Variants in PTPRN2 observed in about 807,000 individuals in gnomAD.
The protein encoded by PTPRN2 is receptor-type tyrosine-protein phosphatase N2.
PTPRN2 carries 74 observed loss-of-function variants against 118.8 expected under a neutral mutation model. The observed-to-expected ratio is 0.62, with a 90% CI of 0.52 to 0.76. The LOEUF is 0.76. Among genes scored for constraint, PTPRN2 ranks in the 30% least tolerant of loss-of-function variants. The pLI is 0.00. For synonymous variants in PTPRN2, 641 were observed against 608.0 expected, an observed-to-expected ratio of 1.05 and a Z score of -0.80; for missense variants, 1,481 against 1,394.4, an observed-to-expected ratio of 1.06 and a Z score of -0.99.
chr7:158,127,219 C>T (rs1332156656), intron 9 of PTPRN2, among the ~76,000 whole-genome samples: 3 of 152,176 alleles, frequency 2.0e-5, no homozygotes, highest in Non-Finnish European at 2.9e-5. Context: ...CCATTGGCTC[C>T]TCCTCTTTCA....
chr7:157,852,067 G>A (rs1270235185), intron 12 of PTPRN2, among the ~76,000 whole-genome samples: 4 of 152,232 alleles, frequency 2.6e-5, no homozygotes, highest in Non-Finnish European at 5.9e-5. Context: ...AGCCTTAGAG[G>A]CAGGTCTGTT....
chr7:158,288,189 G>A (rs929657685), intron 3 of PTPRN2, among the ~76,000 whole-genome samples: 3 of 152,088 alleles, frequency 2.0e-5, no homozygotes, highest in African/African-American at 7.2e-5. Flanking sequence ...CCTTAAAAGT[G>A]AAGGGAATCT....
intron 1 of PTPRN2, among the ~76,000 whole-genome samples, chr7:158,573,381 A>T (rs987698699): frequency 1.3e-5 from 2 of 152,228 alleles, no homozygotes; most frequent in Non-Finnish European, 2.9e-5. Context: ...GTTACTTGTG[A>T]AAAGTCATTC....
At chr7:157,890,172 G>C (rs551761901) in intron 12 of PTPRN2, among the ~76,000 whole-genome samples, 1 of 151,960 alleles carries the variant, frequency 6.6e-6, no homozygotes, top group African/African-American at 2.4e-5. Context: ...TGAGCCAAAG[G>C]GGAAGAGTTT....
intron 12 of PTPRN2, among the ~76,000 whole-genome samples, chr7:157,844,089 G>A (rs2151190211): frequency 6.6e-6 from 1 of 151,282 alleles, no homozygotes; most frequent in Middle Eastern, 3.4e-3. Context: ...CGTGGATGTG[G>A]AACGCAGGCC....
intron 2 of PTPRN2, among the ~76,000 whole-genome samples, chr7:158,367,119 G>A (rs1011827955): frequency 3.3e-5 from 5 of 152,214 alleles, no homozygotes; most frequent in Admixed American, 6.5e-5. Flanking sequence ...GCCCCAGGCT[G>A]CAGGGACACC....
At chr7:158,077,166 C>G (rs1416327426) in intron 11 of PTPRN2, among the ~76,000 whole-genome samples, 2 of 152,180 alleles carry the variant, frequency 1.3e-5, no homozygotes, top group Admixed American at 1.3e-4. Flanking sequence ...GGCACAGAGT[C>G]CAGTTCTGAG....
At chr7:158,341,794 C>A (rs1456960941) in intron 2 of PTPRN2, among the ~76,000 whole-genome samples, 98 of 73,458 alleles carry the variant, frequency 1.3e-3, no homozygotes, top group Admixed American at 1.7e-3. Flanking sequence ...TCACTCACAC[C>A]CACACTCTCA....
intron 15 of PTPRN2, among the ~76,000 whole-genome samples, chr7:157,612,469 C>T (rs1311821980): frequency 1.3e-5 from 2 of 152,234 alleles, no homozygotes; most frequent in East Asian, 3.8e-4. Flanking sequence ...GAGCAGGGGG[C>T]AGCTCACACG....
intron 22 of PTPRN2, among the ~76,000 whole-genome samples, chr7:157,548,021 C>A (rs939418678): frequency 6.6e-6 from 1 of 151,298 alleles, no homozygotes; most frequent in Non-Finnish European, 1.5e-5. Flanking sequence ...TTGGTCACTG[C>A]GCTGTGGTTA....
intron 14 of PTPRN2, 100 bp downstream of exon 14, chr7:157,656,257 A>G: frequency 8.0e-7 from 1 of 1,248,714 alleles, no homozygotes; most frequent in Non-Finnish European, 1.1e-6. Context: ...ATCATCGCCC[A>G]GTCCCCGAGG....
In PTPRN2 at chr7:158,502,023, G is replaced by A. The variant is rs115937193; in HGVS notation, c.113-12238C>T. Among the ~76,000 whole-genome samples the A allele has an allele frequency of 2.0e-3, 298 of 152,270 alleles. 1 individual carries two copies. The highest frequency in any genetic ancestry group is 6.6e-3 in the African/African-American group (275 of 41,566). ...CCTCAGGAGTGATAAAGCCGTCACGGAGTAAAACGCACCATCCTCTCCTCG... is the reference window on the plus strand; with the variant it reads ...CCTCAGGAGTGATAAAGCCGTCACGAAGTAAAACGCACCATCCTCTCCTCG... On this transcript the variant is annotated intron_variant, in intron 1 of 22. Coordinates refer to ENST00000389418, the MANE Select transcript of PTPRN2 (RefSeq NM_002847.5).
rs113732073 is a variant in PTPRN2 at position 158,376,080 on chromosome 7, C to T, written c.164-59148G>A. On this transcript the variant is annotated intron_variant, in intron 2 of 22. Coordinates refer to ENST00000389418, the MANE Select transcript of PTPRN2 (RefSeq NM_002847.5). ...TAAAAGAGCACTGTAGCACACCCAC[C>T]GCGGCTTTGGGAGTCACAGACACCC... Among the ~76,000 whole-genome samples, 1,104 of 152,302 alleles carry T rather than the reference C, an allele frequency of 7.2e-3. 11 individuals carry two copies. The highest frequency in any genetic ancestry group is 0.025 in the African/African-American group (1,047 of 41,554).
intron 12 of PTPRN2, among the ~76,000 whole-genome samples, chr7:157,807,034 G>T (rs988258127): frequency 6.6e-6 from 1 of 152,242 alleles, no homozygotes; most frequent in African/African-American, 2.4e-5. Flanking sequence ...TTCTTCCCCA[G>T]ACTGGGCCCT....
intron 3 of PTPRN2, among the ~76,000 whole-genome samples, chr7:158,313,681 G>T (rs546372139): frequency 2.6e-4 from 39 of 152,336 alleles, no homozygotes; most frequent in African/African-American, 8.4e-4. Context: ...AAGAACAGGT[G>T]CCAGGAATGT....
chr7:157,731,530 T>G lies in PTPRN2; in HGVS notation c.1789-48593A>C, dbSNP rs2952645. On this transcript the variant is annotated intron_variant, in intron 12 of 22. Coordinates refer to ENST00000389418, the MANE Select transcript of PTPRN2 (RefSeq NM_002847.5). The stretch of plus-strand genomic sequence containing the variant: ...AGCACAGTTACCCTTTCCCGTCCCA[T>G]GCGCCCAGCACAGTTACCCTTTCCC... 1.2e-3 allele frequency among the ~76,000 whole-genome samples: 156 copies of G among 129,964 alleles called. 1 individual carries two copies. The highest frequency in any genetic ancestry group is 2.0e-3 in the Non-Finnish European group (113 of 57,864). 85.3% of individuals were successfully genotyped at this position (129,964 alleles called of 152,430 possible).
intron 3 of PTPRN2, among the ~76,000 whole-genome samples, chr7:158,298,026 G>C (rs1800618559): frequency 6.6e-6 from 1 of 152,150 alleles, no homozygotes; most frequent in South Asian, 2.1e-4. Context: ...AAAGTCATTA[G>C]TAGTGTTTTC....
chr7:158,069,603 C>T (rs1054429423), intron 11 of PTPRN2, among the ~76,000 whole-genome samples: 2 of 152,066 alleles, frequency 1.3e-5, no homozygotes, highest in Non-Finnish European at 2.9e-5. Context: ...GGCATGGCCA[C>T]CACGCCCCAC....
intron 12 of PTPRN2, among the ~76,000 whole-genome samples, chr7:157,694,789 A>C (rs1370334851): frequency 6.6e-6 from 1 of 151,288 alleles, no homozygotes; most frequent in African/African-American, 2.4e-5. Context: ...TGGTCATGAG[A>C]TCTTAGACTT....
Sources: gnomAD v4.1 joint callset for allele counts (sites outside exome capture counted in the v4.1 genomes callset) on GRCh38, gnomAD v4.1.1 for gene constraint, MANE v1.5 for transcripts, NCBI Gene and HGNC (gene_info 2026-07-23, HGNC 2026-07-21) for gene names.